Variants in SCN1A observed in about 807,000 individuals in gnomAD.
SCN1A encodes the protein sodium voltage-gated channel alpha subunit 1, also known as sodium channel protein type 1 subunit alpha.
A neutral mutation model predicts 193.7 loss-of-function variants in SCN1A; 13 were observed. That is an observed-to-expected ratio of 0.07 (90% CI 0.04 to 0.11). SCN1A has a LOEUF of 0.11. Among genes scored for constraint, SCN1A ranks in the 10% least tolerant of loss-of-function variants. SCN1A has a pLI of 1.00. For synonymous variants in SCN1A, 781 were observed against 843.6 expected (o/e 0.93, Z 1.29); for missense variants, 1,432 against 2,451.1 (o/e 0.58, Z 8.78).
At chr2:166,146,964 T>G (rs989174687) in intron 1 of SCN1A, among the ~76,000 whole-genome samples, 2 of 152,228 alleles carry the variant, frequency 1.3e-5, no homozygotes, top group Non-Finnish European at 2.9e-5. Flanking sequence ...CTATATACAG[T>G]AAAAACCATT....
intron 4 of SCN1A, among the ~76,000 whole-genome samples, chr2:166,064,974 A>T (rs1179598381): frequency 6.6e-6 from 1 of 152,216 alleles, no homozygotes; most frequent in Non-Finnish European, 1.5e-5. Context: ...TCCAACTTGT[A>T]CATGAGCTGT....
chr2:166,141,486 G>T (rs532794453), intron 1 of SCN1A, among the ~76,000 whole-genome samples: 19 of 152,138 alleles, frequency 1.2e-4, no homozygotes, highest in African/African-American at 4.6e-4. Flanking sequence ...GGGGCCAGGA[G>T]TTCAAGACCA....
intron 2 of SCN1A, among the ~76,000 whole-genome samples, chr2:166,106,911 T>G (rs1032551917): frequency 6.6e-6 from 1 of 152,140 alleles, no homozygotes; most frequent in African/African-American, 2.4e-5. Flanking sequence ...AAGTGCCCAA[T>G]ACACTATTTC....
intron 19 of SCN1A, among the ~76,000 whole-genome samples, chr2:166,033,577 GCAC>G (rs1238450369): frequency 6.6e-6 from 1 of 151,782 alleles, no homozygotes; most frequent in African/African-American, 2.4e-5. Context: ...AATTTGAGAA[GCAC>G]CACATTAAAT....
chr2:166,046,841 C>A lies in SCN1A; in HGVS notation c.1306G>T (p.Glu436Ter), dbSNP rs1553546763. The A allele has an allele frequency of 6.2e-7, 1 of 1,613,956 alleles. No individual in the cohort carries two copies. Among genetic ancestry groups the A allele is most frequent in the South Asian group, 1.1e-5 (1 of 91,084 alleles). ...YEEQNQATLE[E>*]AEQKEAEFQQ... ...AATTCGGCCTCTTTCTGTTCTGCTT[C>A]TTCCAAGGTGGCCTGATTCTGTTCC... Residue 436 changes from glutamate to a stop codon, truncating the protein, a stop_gained, in exon 12 of 29, where the codon GAA becomes TAA. Transcript: ENST00000674923. LOFTEE classifies it high-confidence loss of function.
rs907186406 is a variant in SCN1A, at chr2:166,019,258, A to G, written c.3430-3531T>C. Among the ~76,000 whole-genome samples, 15 of 152,176 alleles carry G rather than the reference A, an allele frequency of 9.9e-5. 1 individual carries two copies. The highest frequency in any genetic ancestry group is 6.5e-4 in the Admixed American group (10 of 15,278). On this transcript the variant is annotated intron_variant, in intron 19 of 28. Coordinates refer to ENST00000674923, the MANE Select transcript of SCN1A (RefSeq NM_001165963.4). Reference sequence around the variant, plus strand: ...ATCAAATGCCCTTATTAGCATTCCAATGGAATATCTGCACTTGGAAAGTTC... The same window carrying G: ...ATCAAATGCCCTTATTAGCATTCCAGTGGAATATCTGCACTTGGAAAGTTC...
Position 166,015,651 on chromosome 2 carries a change from A to T in SCN1A, c.3506T>A (p.Val1169Glu), listed in dbSNP as rs1380673643. ...TGGTTCAAGAGTTTCTTCAGGTTCC[A>T]CTACGGGCTGTTCTTCTACAGGTGC... is the stretch of plus-strand genomic sequence containing the variant. ...IGAPVEEQPVVEPEETLEPEA... is the reference protein window; with the variant it reads ...IGAPVEEQPVEEPEETLEPEA... The change falls in exon 20 of 29, where the codon GTG becomes GAG. Residue 1169 changes from valine to glutamate, a missense_variant. Val to Glu is a moderately radical substitution (Grantham distance 121, BLOSUM62 -2). Coordinates refer to ENST00000674923, the MANE Select transcript of SCN1A (RefSeq NM_001165963.4). The T allele has an allele frequency of 6.2e-7, 1 of 1,612,956 alleles. No individual in the cohort carries two copies. Among genetic ancestry groups the T allele is most frequent in the African/African-American group, 1.3e-5 (1 of 75,002 alleles).
intron 2 of SCN1A, among the ~76,000 whole-genome samples, chr2:166,118,295 T>C (rs868812572): frequency 7.8e-6 from 1 of 127,580 alleles, no homozygotes; most frequent in Admixed American, 8.9e-5. Flanking sequence ...TGATTTCTAT[T>C]TAGTTTCTTT....
chr2:166,040,376 T>C (rs1697023901), intron 16 of SCN1A, among the ~76,000 whole-genome samples: 1 of 152,220 alleles, frequency 6.6e-6, no homozygotes, highest in Non-Finnish European at 1.5e-5. Context: ...TACATTCTTA[T>C]CTATTATACT....
chr2:166,024,108 G>A (rs918317709), intron 19 of SCN1A, among the ~76,000 whole-genome samples: 1 of 151,964 alleles, frequency 6.6e-6, no homozygotes, highest in Non-Finnish European at 1.5e-5. Flanking sequence ...ATGTGGTGGT[G>A]CATGCTACTT....
intron 20 of SCN1A, 80 bp downstream of exon 20, chr2:166,015,527 A>G (rs1455177339): frequency 6.5e-7 from 1 of 1,536,424 alleles, no homozygotes; most frequent in Non-Finnish European, 9.0e-7. Flanking sequence ...ATTTTATTAT[A>G]TGTGATTTAT....
chr2:166,130,257 G>T (rs1161543993), upstream of SCN1A, among the ~76,000 whole-genome samples: 1 of 151,978 alleles, frequency 6.6e-6, no homozygotes, highest in African/African-American at 2.4e-5. Flanking sequence ...TCATATTCTG[G>T]GCATCTGACA....
At chr2:166,116,474 C>T (rs1228388858) in intron 2 of SCN1A, among the ~76,000 whole-genome samples, 3 of 152,124 alleles carry the variant, frequency 2.0e-5, no homozygotes, top group Non-Finnish European at 4.4e-5. Context: ...AATATCTTCT[C>T]TATCCTGCAT....
rs148640356 is a variant in SCN1A, at chr2:166,053,050, G to A, written c.603-107C>T. On this transcript the variant is annotated intron_variant, in intron 7 of 28. Coordinates refer to ENST00000674923, the MANE Select transcript of SCN1A (RefSeq NM_001165963.4). ...TAATCACTTCTTACCTGGAATTACC[G>A]AAATAGTTTTCAAAGCTCTCAAGAC... is the stretch of plus-strand genomic sequence containing the variant. 210 of 1,416,134 alleles carry A rather than the reference G, an allele frequency of 1.5e-4. No homozygotes were observed. In the African/African-American group the frequency reaches 2.5e-3, roughly 17 times the overall value. The allele number at this position is 1,416,134 out of a possible 1,614,324, so 87.7% of individuals were successfully genotyped here.
chr2:166,096,660 A>G (rs116337531), intron 2 of SCN1A, among the ~76,000 whole-genome samples: 5 of 152,328 alleles, frequency 3.3e-5, no homozygotes, highest in Non-Finnish European at 5.9e-5. Context: ...AGTGGTATCC[A>G]TTATTTTTTT....
intron 2 of SCN1A, among the ~76,000 whole-genome samples, chr2:166,117,993 G>C (rs923075705): frequency 6.6e-6 from 1 of 151,700 alleles, no homozygotes; most frequent in African/African-American, 2.4e-5. Context: ...TGATTTTTTG[G>C]ATTATATTCT....
intron 2 of SCN1A, among the ~76,000 whole-genome samples, chr2:166,095,766 A>G (rs992115946): frequency 6.6e-6 from 1 of 152,206 alleles, no homozygotes; most frequent in Non-Finnish European, 1.5e-5. Context: ...TCTGTTTCCT[A>G]TTTATACATT....
intron 26 of SCN1A, 128 bp from the exon 27 acceptor site, chr2:165,996,245 G>T (rs1021760364): frequency 1.2e-5 from 7 of 580,604 alleles, no homozygotes; most frequent in African/African-American, 7.7e-5. Context: ...ATTATATCTG[G>T]GATTTAAAAT....
chr2:165,993,168 A>G (rs1184541555), intron 28 of SCN1A: 1 of 115,420 alleles, frequency 8.7e-6, no homozygotes, highest in Non-Finnish European at 2.1e-5. Flanking sequence ...TTCTGAAAAG[A>G]CGAAGTGTAA....
Sources: allele counts gnomAD v4.1 joint callset (sites outside exome capture counted in the v4.1 genomes callset), GRCh38; gene constraint gnomAD v4.1.1; transcripts MANE v1.5; gene names NCBI Gene and HGNC (gene_info 2026-07-23, HGNC 2026-07-21).